PDE7A: variants seen among roughly 807,000 people sequenced by gnomAD.
The protein encoded by PDE7A is high affinity 3',5'-cyclic-AMP phosphodiesterase 7A.
A neutral mutation model predicts 64.3 loss-of-function variants in PDE7A; 39 were observed. The ratio of observed to expected loss-of-function variants is 0.61; its 90% CI spans 0.47 to 0.79. PDE7A has a LOEUF of 0.79. PDE7A is among the 30% of genes least tolerant of loss of function. PDE7A has a pLI of 0.00. For synonymous variants in PDE7A, 203 were observed against 206.8 expected (o/e 0.98, Z 0.16); for missense variants, 470 against 582.8 (o/e 0.81, Z 1.99).
intron 3 of PDE7A, among the ~76,000 whole-genome samples, chr8:65,769,106 G>C (rs1204496566): frequency 6.6e-6 from 1 of 151,870 alleles, no homozygotes; most frequent in African/African-American, 2.4e-5. Flanking sequence ...AAATTAGCCG[G>C]GCGTGATGGC....
At chr8:65,835,391 C>A (rs886949666) in intron 1 of PDE7A, among the ~76,000 whole-genome samples, 31 of 152,140 alleles carry the variant, frequency 2.0e-4, no homozygotes, top group Admixed American at 6.5e-4. Context: ...CTTAAGAGGG[C>A]CTGCATGCAA....
intron 3 of PDE7A, among the ~76,000 whole-genome samples, chr8:65,776,812 T>C (rs916833053): frequency 2.0e-5 from 3 of 152,206 alleles, no homozygotes; most frequent in Non-Finnish European, 2.9e-5. Flanking sequence ...ATAAAAATGA[T>C]ACTTTTTCTT....
At position 65,799,008 on chromosome 8, in the gene PDE7A, A is replaced by G. The variant is rs183010637; in HGVS notation, c.139-16165T>C. 1.5e-3 allele frequency among the ~76,000 whole-genome samples: 234 copies of G among 152,278 alleles called. 1 individual carries two copies. The highest frequency in any genetic ancestry group is 3.4e-3 in the Middle Eastern group (1 of 294). Reference sequence around the variant, plus strand: ...GCCAGGGAAAGAGAAAGTATACTCTATGATTCCATTTATATGAAGTTCTAA... The same window carrying G: ...GCCAGGGAAAGAGAAAGTATACTCTGTGATTCCATTTATATGAAGTTCTAA... On this transcript the variant is annotated intron_variant, in intron 1 of 12. Coordinates refer to ENST00000401827, the MANE Select transcript of PDE7A (RefSeq NM_001242318.3).
At chr8:65,738,375 C>T (rs1056924362) in intron 6 of PDE7A, among the ~76,000 whole-genome samples, 1 of 152,142 alleles carries the variant, frequency 6.6e-6, no homozygotes, top group Non-Finnish European at 1.5e-5. Flanking sequence ...CTTTGGACTT[C>T]AAACTCAGAG....
intron 3 of PDE7A, among the ~76,000 whole-genome samples, chr8:65,758,713 T>C (rs1240618091): frequency 6.6e-6 from 1 of 152,246 alleles, no homozygotes; most frequent in East Asian, 1.9e-4. Flanking sequence ...TTATGGGCTG[T>C]ACAGTATGTT....
At chr8:65,724,970 A>G in intron 9 of PDE7A, 49 bp from the exon 10 acceptor site, 1 of 1,246,192 alleles carries the variant, frequency 8.0e-7, no homozygotes, top group Non-Finnish European at 1.1e-6. Context: ...TCAATTAACT[A>G]TTTATTGATT....
intron 1 of PDE7A, among the ~76,000 whole-genome samples, chr8:65,785,848 T>A (rs527796953): frequency 9.7e-4 from 148 of 152,144 alleles, no homozygotes; most frequent in South Asian, 3.9e-3. Flanking sequence ...TTTTTTTTAA[T>A]GTAGGAAGGG....
In PDE7A at chr8:65,716,351, C is replaced by T. The variant is rs755633401; in HGVS notation, c.*2939G>A. ...ATCAGAGCAGAAGCAATCATGTATA[C>T]AGGCAGAATGGAGCCCAGGTAAGCT... On this transcript the variant is annotated 3_prime_UTR_variant, in exon 13 of 13. Coordinates refer to ENST00000401827, the MANE Select transcript of PDE7A (RefSeq NM_001242318.3). Among the ~76,000 whole-genome samples the T allele has an allele frequency of 3.3e-5, 5 of 152,118 alleles. No individual in the cohort carries two copies. Among genetic ancestry groups the T allele is most frequent in the Non-Finnish European group, 7.4e-5 (5 of 68,022 alleles).
chr8:65,819,138 T>C (rs932640003), intron 1 of PDE7A, among the ~76,000 whole-genome samples: 1 of 152,246 alleles, frequency 6.6e-6, no homozygotes, highest in African/African-American at 2.4e-5. Context: ...GGCTCATGTC[T>C]GTTATGCAGG....
chr8:65,826,326 C>T (rs555627967), intron 1 of PDE7A, among the ~76,000 whole-genome samples: 12 of 152,276 alleles, frequency 7.9e-5, no homozygotes, highest in East Asian at 3.9e-4. Flanking sequence ...CTATTGCAGC[C>T]GGCTAAATAT....
At chr8:65,739,474 T>G in intron 6 of PDE7A, 28 bp downstream of exon 6, 1 of 1,525,320 alleles carries the variant, frequency 6.6e-7, no homozygotes, top group Non-Finnish European at 8.7e-7. Flanking sequence ...GTAAATCTTG[T>G]TACTGTTAAT....
intron 1 of PDE7A, among the ~76,000 whole-genome samples, chr8:65,791,892 A>G (rs924288005): frequency 1.3e-5 from 2 of 152,162 alleles, no homozygotes; most frequent in African/African-American, 4.8e-5. Context: ...ACTTTTTCTT[A>G]TTTTGAGATA....
At chr8:65,761,835 A>T (rs113056388) in intron 3 of PDE7A, among the ~76,000 whole-genome samples, 2,558 of 152,334 alleles carry the variant, frequency 0.017, 26 homozygotes, top group Non-Finnish European at 0.027. Context: ...AGGAAATACA[A>T]GCCCCAGGTC....
At chr8:65,777,564 T>A (rs1313539737) in intron 3 of PDE7A, among the ~76,000 whole-genome samples, 2 of 152,356 alleles carry the variant, frequency 1.3e-5, no homozygotes, top group Middle Eastern at 3.4e-3. Flanking sequence ...TGTTATTTTT[T>A]GTTCTTTCCA....
At chr8:65,825,773 T>C (rs1362831519) in intron 1 of PDE7A, among the ~76,000 whole-genome samples, 1 of 152,202 alleles carries the variant, frequency 6.6e-6, no homozygotes, top group Non-Finnish European at 1.5e-5. Flanking sequence ...ACACTTACTA[T>C]GTGATGTACA....
chr8:65,722,646 T>C (rs551956932), intron 12 of PDE7A: 2 of 152,360 alleles, frequency 1.3e-5, no homozygotes, highest in African/African-American at 2.4e-5. Flanking sequence ...CCTAGTCAAC[T>C]TTCCTGTGAA....
chr8:65,827,296 A>T (rs909878703), intron 1 of PDE7A, among the ~76,000 whole-genome samples: 1 of 152,144 alleles, frequency 6.6e-6, no homozygotes, highest in Non-Finnish European at 1.5e-5. Flanking sequence ...CAGCCTACTG[A>T]TCTGTATGTT....
intron 3 of PDE7A, among the ~76,000 whole-genome samples, chr8:65,755,660 C>T (rs1344528773): frequency 6.6e-6 from 1 of 152,108 alleles, no homozygotes; most frequent in African/African-American, 2.4e-5. Context: ...TGTTATAAAC[C>T]AAAAATATAA....
intron 3 of PDE7A, among the ~76,000 whole-genome samples, chr8:65,760,202 T>C (rs1808425780): frequency 6.6e-6 from 1 of 152,138 alleles, no homozygotes; most frequent in East Asian, 1.9e-4. Context: ...ATCGTGCTAC[T>C]GCACTCCAGC....
Sources: allele counts gnomAD v4.1 joint callset (sites outside exome capture counted in the v4.1 genomes callset), GRCh38; gene constraint gnomAD v4.1.1; transcripts MANE v1.5; gene names NCBI Gene and HGNC (gene_info 2026-07-23, HGNC 2026-07-21).